FGF17: variants seen among roughly 807,000 people sequenced by gnomAD.
FGF17 encodes fibroblast growth factor 17.
A neutral mutation model predicts 23.5 loss-of-function variants in FGF17; 5 were observed. That is an observed-to-expected ratio of 0.21 (90% CI 0.11 to 0.45). The LOEUF is 0.45. Among genes scored for constraint, FGF17 ranks in the 20% least tolerant of loss-of-function variants. The pLI is 0.99. For missense variants in FGF17, 221 were observed against 306.9 expected, an observed-to-expected ratio of 0.72 and a Z score of 2.09; for synonymous variants, 136 against 123.0, an observed-to-expected ratio of 1.11 and a Z score of -0.70.
chr8:22,045,810 C>T (rs190124867), intron 2 of FGF17: 68 of 1,304,946 alleles, frequency 5.2e-5, no homozygotes, highest in African/African-American at 2.5e-4. Context: ...AATACGAGGA[C>T]GGGATAGAAC....
At chr8:22,040,977 G>A (rs1800728278), upstream of FGF17, among the ~76,000 whole-genome samples, 1 of 152,164 alleles carries the variant, frequency 6.6e-6, no homozygotes, top group African/African-American at 2.4e-5. Flanking sequence ...GCAGAGAGGT[G>A]GGCACGCGGG....
At chr8:22,046,805 G>C in intron 4 of FGF17, among the ~76,000 whole-genome samples, 172 bp downstream of exon 4, 1 of 152,112 alleles carries the variant, frequency 6.6e-6, no homozygotes, top group East Asian at 1.9e-4. Context: ...TTTAGAGTCC[G>C]GGTCTTGCTC....
intron 4 of FGF17, 141 bp downstream of exon 4, chr8:22,046,774 G>A: frequency 1.6e-6 from 1 of 638,280 alleles, no homozygotes; most frequent in East Asian, 2.9e-5. Context: ...CCCACCCACT[G>A]GGCCACTCTC....
chr8:22,046,832 G>A (rs964181239), intron 4 of FGF17, among the ~76,000 whole-genome samples, 199 bp downstream of exon 4: 4 of 152,180 alleles, frequency 2.6e-5, no homozygotes, highest in African/African-American at 4.8e-5. Flanking sequence ...CTAGGCTGGA[G>A]TGCAGTGGCA....
rs1424255815 is a variant in FGF17 at position 22,046,158 on chromosome 8, C to T, written c.117C>T (p.Asp39=). Residue 39 remains aspartate, a synonymous_variant, in exon 3 of 5, where the codon GAC becomes GAT. Transcript: ENST00000359441. ...CTAATTTTAACCAGTACGTGAGGGA[C>T]CAGGGCGCCATGACCGACCAGCTGA... ...PSPNFNQYVR[D]QGAMTDQLSR... is the part of the protein sequence containing the mutation. 3 of 1,614,082 alleles carry T rather than the reference C, an allele frequency of 1.9e-6. No homozygotes were observed. The highest frequency in any genetic ancestry group is 2.2e-5 in the East Asian group (1 of 44,902).
intron 4 of FGF17, among the ~76,000 whole-genome samples, chr8:22,047,580 T>C (rs1031693549): frequency 6.6e-6 from 1 of 152,224 alleles, no homozygotes. Flanking sequence ...TTTCTTCTCA[T>C]TGGAGGCTGC....
At chr8:22,040,703 C>T (rs1173738565), upstream of FGF17, among the ~76,000 whole-genome samples, 1 of 152,232 alleles carries the variant, frequency 6.6e-6, no homozygotes, top group Non-Finnish European at 1.5e-5. Context: ...CAGTGAGTCC[C>T]GACAGCATAA....
At position 22,048,681 on chromosome 8, in the gene FGF17, T is replaced by G. The variant is rs777534081; in HGVS notation, c.*432T>G. 3.2e-4 allele frequency: 60 copies of G among 185,650 alleles called. No individual in the cohort carries two copies. Among genetic ancestry groups the G allele is most frequent in the Non-Finnish European group, 6.0e-4 (54 of 90,590 alleles). 11.5% of individuals were successfully genotyped at this position (185,650 alleles called of 1,614,324 possible). On this transcript the variant is annotated 3_prime_UTR_variant, in exon 5 of 5. Coordinates refer to ENST00000359441, the MANE Select transcript of FGF17 (RefSeq NM_003867.4). This position sits in a 1 kb window ranked among gnomAD's most constrained non-coding sequence, Gnocchi z 6.9. ...CTGTAGGAAGGGACTTTTGTTTGTT[T>G]GTTTGTTTCAGGAAAAAAGAAAGGG...
Position 22,046,159 on chromosome 8 carries a change from C to T in FGF17, c.118C>T (p.Gln40Ter). Residue 40 changes from glutamine (Q) to a stop codon, truncating the protein, a stop_gained, in exon 3 of 5, where the codon CAG becomes TAG. Transcript: ENST00000359441. LOFTEE classifies it high-confidence loss of function. ...SPNFNQYVRD[Q>*]GAMTDQLSRR... The stretch of plus-strand genomic sequence containing the variant: ...TAATTTTAACCAGTACGTGAGGGAC[C>T]AGGGCGCCATGACCGACCAGCTGAG... 6.2e-7 allele frequency: 1 copy of T among 1,614,184 alleles called. No individual in the cohort carries two copies. The highest frequency in any genetic ancestry group is 8.5e-7 in the Non-Finnish European group (1 of 1,180,048).
intron 2 of FGF17, chr8:22,044,682 G>C (rs1050133713): frequency 1.0e-6 from 1 of 985,760 alleles, no homozygotes; most frequent in Non-Finnish European, 1.2e-6. Flanking sequence ...CCAGGGTGGG[G>C]CGAGGGGCAG....
At chr8:22,046,721 G>A (rs1042561666) in intron 4 of FGF17, 88 bp downstream of exon 4, 45 of 847,570 alleles carry the variant, frequency 5.3e-5, no homozygotes, top group Middle Eastern at 4.8e-4. Context: ...TCTCCTCTGA[G>A]CCACACACCC....
chr8:22,044,857 A>G (rs985321963), intron 2 of FGF17: 5 of 985,274 alleles, frequency 5.1e-6, no homozygotes, highest in Admixed American at 1.2e-4. Context: ...CCTCCCTAGG[A>G]GAGAGTAGCC....
chr8:22,047,665 G>A (rs533345035), intron 4 of FGF17, among the ~76,000 whole-genome samples: 1 of 152,340 alleles, frequency 6.6e-6, no homozygotes, highest in South Asian at 2.1e-4. Flanking sequence ...GCCCGTGCAT[G>A]CTGGGAAATG....
chr8:22,042,721 T>C (rs1800758741), upstream of FGF17: 2 of 619,778 alleles, frequency 3.2e-6, no homozygotes, highest in African/African-American at 3.7e-5. Context: ...GGACACCTCA[T>C]ACCTCAGTCT....
rs949314402 is a variant in FGF17, at chr8:22,043,889, C to T, written c.72+708C>T. On this transcript the variant is annotated intron_variant, in intron 2 of 4. Transcript: ENST00000359441. Reference sequence around the variant, plus strand: ...GTCCAGAACCGCTCTGGGGAGAGATCGCTTGGCTTTCCCAGGCCAGAGGCC... The same window carrying T: ...GTCCAGAACCGCTCTGGGGAGAGATTGCTTGGCTTTCCCAGGCCAGAGGCC... 1.6e-4 allele frequency among the ~76,000 whole-genome samples: 25 copies of T among 152,238 alleles called. No homozygotes were observed. In the East Asian group the frequency reaches 2.1e-3, roughly 13 times the overall value.
At chr8:22,041,409 G>A (rs765009073), upstream of FGF17, among the ~76,000 whole-genome samples, 4 of 152,056 alleles carry the variant, frequency 2.6e-5, no homozygotes, top group African/African-American at 9.7e-5. Flanking sequence ...ATCCACATCC[G>A]CCACTTCCCC....
At chr8:22,047,564 C>A (rs1800943727) in intron 4 of FGF17, among the ~76,000 whole-genome samples, 1 of 152,186 alleles carries the variant, frequency 6.6e-6, no homozygotes. Context: ...TGCACTGGCA[C>A]CCTTCTTTCT....
At chr8:22,046,364 G>A in intron 3 of FGF17, 73 bp downstream of exon 3, 1 of 1,550,732 alleles carries the variant, frequency 6.4e-7, no homozygotes, top group Non-Finnish European at 8.8e-7. Context: ...TCACCTCCTG[G>A]TCCATCCCCA....
intron 2 of FGF17, among the ~76,000 whole-genome samples, chr8:22,043,959 C>T (rs1800793737): frequency 6.6e-6 from 1 of 152,028 alleles, no homozygotes; most frequent in Admixed American, 6.6e-5. Context: ...AAGGTAAATG[C>T]CTTTTCTCTG....
Sources: allele counts gnomAD v4.1 joint callset (sites outside exome capture counted in the v4.1 genomes callset), GRCh38; gene constraint gnomAD v4.1.1; non-coding constraint Gnocchi (gnomAD v3.1); transcripts MANE v1.5; gene names NCBI Gene and HGNC (gene_info 2026-07-23, HGNC 2026-07-21).